SPAG16: variants seen among roughly 807,000 people sequenced by gnomAD.
SPAG16 encodes sperm associated antigen 16.
In SPAG16, 86 loss-of-function variants were observed where a neutral mutation model predicts 80.4. The ratio of observed to expected loss-of-function variants is 1.07; its 90% CI spans 0.90 to 1.28. The LOEUF (loss-of-function observed/expected upper bound fraction) is 1.28, where lower values mean the gene tolerates loss of function less well. SPAG16 is among the 50% of genes most tolerant of loss of function. The probability of loss-of-function intolerance (pLI) is 0.00; values close to 1 mark genes in which losing one functional copy is unlikely to be tolerated. For synonymous variants in SPAG16, 294 were observed against 265.9 expected (o/e 1.11, Z -1.03); for missense variants, 870 against 765.3 (o/e 1.14, Z -1.61).
At chr2:214,262,772 C>T (rs922297777) in intron 15 of SPAG16, among the ~76,000 whole-genome samples, 3 of 152,022 alleles carry the variant, frequency 2.0e-5, no homozygotes, top group African/African-American at 7.2e-5. Context: ...TAAGTATAGA[C>T]AATGAGTATC....
At chr2:213,468,084 T>C (rs994664570) in intron 9 of SPAG16, among the ~76,000 whole-genome samples, 39 of 152,140 alleles carry the variant, frequency 2.6e-4, no homozygotes, top group Non-Finnish European at 4.9e-4. Context: ...TTCCTCCTGA[T>C]ACCAGGGGCT....
At chr2:213,441,904 T>G (rs2070987798) in intron 9 of SPAG16, among the ~76,000 whole-genome samples, 1 of 152,172 alleles carries the variant, frequency 6.6e-6, no homozygotes, top group African/African-American at 2.4e-5. Context: ...CCCAGCACTT[T>G]GGGAGGCTGA....
At chr2:214,408,567 CTT>C (rs1702123917) in intron 15 of SPAG16, among the ~76,000 whole-genome samples, 1 of 152,126 alleles carries the variant, frequency 6.6e-6, no homozygotes, top group African/African-American at 2.4e-5. Flanking sequence ...ACTTTTATAA[CTT>C]TTCTCTGTTT....
At chr2:213,572,772 C>G (rs538705269) in intron 10 of SPAG16, among the ~76,000 whole-genome samples, 5 of 152,090 alleles carry the variant, frequency 3.3e-5, no homozygotes, top group Non-Finnish European at 4.4e-5. Flanking sequence ...CTACCCAGTT[C>G]GAGCTTCCTG....
chr2:213,465,303 T>A (rs1441045848), intron 9 of SPAG16, among the ~76,000 whole-genome samples: 1 of 152,196 alleles, frequency 6.6e-6, no homozygotes, highest in Non-Finnish European at 1.5e-5. Context: ...ACTCAGCTAG[T>A]TGAGCACTTG....
At chr2:214,228,463 ATAGT>A (rs200200330) in intron 15 of SPAG16, among the ~76,000 whole-genome samples, 2,460 of 152,040 alleles carry the variant, frequency 0.016, 55 homozygotes, top group Admixed American at 0.058. Context: ...AGAAAAGAAC[ATAGT>A]TAGGAGAGGG....
intron 13 of SPAG16, among the ~76,000 whole-genome samples, chr2:214,069,896 C>T (rs1036975245): frequency 2.0e-5 from 3 of 152,024 alleles, no homozygotes; most frequent in African/African-American, 7.2e-5. Flanking sequence ...TTATATCAAC[C>T]AAGGCAAGGC....
At chr2:213,678,296 C>CA (rs1271418818) in intron 10 of SPAG16, among the ~76,000 whole-genome samples, 2 of 151,798 alleles carry the variant, frequency 1.3e-5, no homozygotes, top group Non-Finnish European at 1.5e-5. Flanking sequence ...AATAGAGACA[C>CA]AAAAAACCCT....
rs953995362 is a variant in SPAG16 at position 213,472,094 on chromosome 2, A to T, written c.943-17869A>T. Among the ~76,000 whole-genome samples, 5 of 152,324 alleles carry T rather than the reference A, an allele frequency of 3.3e-5. No homozygotes were observed. The South Asian group carries it at 8.3e-4, about 25-fold the overall frequency. ...GACATGAATGTAATGAACGAGTGTG[A>T]CATCTTGTAGAAGTAAAAAGCGATC... On this transcript the variant is annotated intron_variant, in intron 9 of 15. Coordinates refer to ENST00000331683, the MANE Select transcript of SPAG16 (RefSeq NM_024532.5).
At chr2:213,485,005 T>A (rs1008478022) in intron 9 of SPAG16, among the ~76,000 whole-genome samples, 1 of 152,078 alleles carries the variant, frequency 6.6e-6, no homozygotes, top group Admixed American at 6.6e-5. Context: ...TTTTCTTTTT[T>A]TTTTTTGAGA....
intron 13 of SPAG16, among the ~76,000 whole-genome samples, chr2:214,099,579 A>G (rs907601106): frequency 6.6e-5 from 10 of 152,224 alleles, no homozygotes; most frequent in African/African-American, 2.4e-4. Context: ...TATATGAACT[A>G]AGGTAGATAC....
intron 14 of SPAG16, among the ~76,000 whole-genome samples, chr2:214,140,198 TTC>T (rs1029711313): frequency 6.6e-6 from 1 of 152,014 alleles, no homozygotes; most frequent in Non-Finnish European, 1.5e-5. Flanking sequence ...AGTTTCCTTT[TTC>T]TCTCTCTTTT....
At chr2:214,067,704 T>C (rs1318158935) in intron 13 of SPAG16, among the ~76,000 whole-genome samples, 10 of 152,090 alleles carry the variant, frequency 6.6e-5, no homozygotes, top group Admixed American at 6.6e-4. Context: ...TGGATGTGAA[T>C]ACATCCGGGT....
intron 13 of SPAG16, among the ~76,000 whole-genome samples, chr2:214,034,513 G>T (rs1188840732): frequency 6.6e-6 from 1 of 152,190 alleles, no homozygotes; most frequent in African/African-American, 2.4e-5. Context: ...GGCCTGGATT[G>T]CATGCCTGCC....
intron 15 of SPAG16, among the ~76,000 whole-genome samples, chr2:214,174,878 A>G (rs12994113): frequency 0.3 from 45,097 of 151,282 alleles, 8,365 homozygotes; most frequent in Non-Finnish European, 0.41. Context: ...CCCTCAATAA[A>G]TAACCACTTC....
chr2:213,862,676 G>T, intron 11 of SPAG16, 48 bp downstream of exon 11: 1 of 1,597,410 alleles, frequency 6.3e-7, no homozygotes, highest in Non-Finnish European at 8.6e-7. Context: ...CTAGGAATGT[G>T]CTCCTTTACT....
At chr2:213,872,699 G>A (rs113131019) in intron 11 of SPAG16, among the ~76,000 whole-genome samples, 7,072 of 152,122 alleles carry the variant, frequency 0.046, 203 homozygotes, top group East Asian at 0.069. Flanking sequence ...GTCTTTCACC[G>A]TTAAGTATGA....
chr2:213,567,228 A>G (rs1163200206), intron 10 of SPAG16, among the ~76,000 whole-genome samples: 31 of 122,792 alleles, frequency 2.5e-4, no homozygotes, highest in Non-Finnish European at 1.5e-4. Context: ...CTTGTTTGAC[A>G]TTGTTTTTTT....
rs183047704 is a variant in SPAG16, at chr2:213,723,750, C to T, written c.1071-138735C>T. On this transcript the variant is annotated intron_variant, in intron 10 of 15. Transcript: ENST00000331683. ...ATTTCACAGCCAAATTGTTATAGGG[C>T]TTATATAACCATTTCCAGGGAGCTG... Among the ~76,000 whole-genome samples the T allele has an allele frequency of 2.4e-3, 358 of 152,240 alleles. 4 individuals carry two copies. The highest frequency in any genetic ancestry group is 8.3e-3 in the African/African-American group (346 of 41,542).
Sources: gnomAD v4.1 joint callset for allele counts (sites outside exome capture counted in the v4.1 genomes callset) on GRCh38, gnomAD v4.1.1 for gene constraint, MANE v1.5 for transcripts, NCBI Gene and HGNC (gene_info 2026-07-23, HGNC 2026-07-21) for gene names.